The following ARB2A variants were observed in gnomAD, a reference collection of about 807,000 sequenced individuals.
ARB2A encodes cotranscriptional regulator ARB2A.
the ARB2A span, among the ~76,000 whole-genome samples, chr5:93,886,299 CA>C: frequency 6.6e-6 from 1 of 151,684 alleles, no homozygotes; most frequent in Non-Finnish European, 1.5e-5. Context: ...CCAGAGAGGT[CA>C]GGGGTTAGAG....
At chr5:93,823,226 T>G in the ARB2A span, among the ~76,000 whole-genome samples, 2 of 152,200 alleles carry the variant, frequency 1.3e-5, no homozygotes, top group Admixed American at 1.3e-4. Context: ...ATTATTAGAA[T>G]TGATTATATC....
the ARB2A span, among the ~76,000 whole-genome samples, chr5:93,991,170 T>C: frequency 2.0e-5 from 3 of 152,054 alleles, no homozygotes; most frequent in Admixed American, 1.3e-4. Flanking sequence ...TAGGAGTCAG[T>C]TGAGTTGCAA....
chr5:93,629,900 T>A, the ARB2A span, among the ~76,000 whole-genome samples: 1 of 152,164 alleles, frequency 6.6e-6, no homozygotes, highest in Non-Finnish European at 1.5e-5. Flanking sequence ...CCTGTCAATA[T>A]AGCTATGTTG....
the ARB2A span, among the ~76,000 whole-genome samples, chr5:93,874,173 C>T: frequency 6.6e-6 from 1 of 152,136 alleles, no homozygotes; most frequent in South Asian, 2.1e-4. Flanking sequence ...CAATGTTGTA[C>T]TGTAATACGA....
the ARB2A span, among the ~76,000 whole-genome samples, chr5:93,781,022 CT>C: frequency 6.6e-6 from 1 of 151,928 alleles, no homozygotes. Flanking sequence ...CACATCCTTT[CT>C]TTTTTTTATA....
the ARB2A span, among the ~76,000 whole-genome samples, chr5:94,025,045 A>T: frequency 1.3e-5 from 2 of 152,332 alleles, no homozygotes; most frequent in Admixed American, 6.5e-5. Flanking sequence ...CTAAAAACAT[A>T]CCAACCTGAC....
chr5:93,621,224 C>G, the ARB2A span: 5 of 1,161,322 alleles, frequency 4.3e-6, no homozygotes, highest in East Asian at 1.6e-4. Context: ...CTCCCGACCA[C>G]CCGGTCCCGC....
the ARB2A span, among the ~76,000 whole-genome samples, chr5:93,810,676 G>T: frequency 1.9e-3 from 296 of 152,116 alleles, no homozygotes; most frequent in African/African-American, 6.9e-3. Flanking sequence ...CCAAAGAGCT[G>T]GGATTAAAGG....
chr5:93,731,557 G>A, the ARB2A span, among the ~76,000 whole-genome samples: 3 of 152,160 alleles, frequency 2.0e-5, no homozygotes, highest in Non-Finnish European at 2.9e-5. Context: ...GTGGCATGCT[G>A]AAACAAATTC....
chr5:93,622,833 C>A, the ARB2A span, among the ~76,000 whole-genome samples: 158 of 152,122 alleles, frequency 1.0e-3, 1 homozygote, highest in African/African-American at 3.7e-3. Context: ...TTTGACAATT[C>A]TTCATAGAAT....
the ARB2A span, among the ~76,000 whole-genome samples, chr5:94,035,196 C>CATACATATACATACACATATACAT: frequency 7.7e-6 from 1 of 129,630 alleles, no homozygotes; most frequent in Non-Finnish European, 1.6e-5. Context: ...GGATCTTATA[C>CATACATATACATACACATATACAT]ATACATATAC....
chr5:93,801,925 C>T, the ARB2A span, among the ~76,000 whole-genome samples: 1 of 152,054 alleles, frequency 6.6e-6, no homozygotes, highest in Admixed American at 6.6e-5. Context: ...ATAATTCAAC[C>T]AGTAAAGAAT....
At chr5:93,682,393 C>T in the ARB2A span, among the ~76,000 whole-genome samples, 1 of 152,010 alleles carries the variant, frequency 6.6e-6, no homozygotes, top group South Asian at 2.1e-4. Flanking sequence ...TGGTGACTTC[C>T]CACCTTGTAA....
the ARB2A span, chr5:93,784,371 A>AT: frequency 1.9e-6 from 3 of 1,606,784 alleles, no homozygotes; most frequent in Non-Finnish European, 1.7e-6. Flanking sequence ...ACTAAAAAAA[A>AT]CCAAGTCTCA....
chr5:93,830,311 G>GTGTATGTGTGTGGATATA, the ARB2A span, among the ~76,000 whole-genome samples: 2 of 82,260 alleles, frequency 2.4e-5, no homozygotes, highest in Non-Finnish European at 4.8e-5. Flanking sequence ...GTGTGTGTGT[G>GTGTATGTGTGTGGATATA]TATATATATA....
At chr5:93,637,859 T>G in the ARB2A span, among the ~76,000 whole-genome samples, 3 of 152,238 alleles carry the variant, frequency 2.0e-5, no homozygotes, top group African/African-American at 7.2e-5. Flanking sequence ...CTGCCTGATA[T>G]GAATGGCTTC....
the ARB2A span, among the ~76,000 whole-genome samples, chr5:93,813,616 C>T: frequency 6.6e-6 from 1 of 152,106 alleles, no homozygotes; most frequent in Non-Finnish European, 1.5e-5. Flanking sequence ...GGAAAACTGT[C>T]AGTTTGACCT....
the ARB2A span, among the ~76,000 whole-genome samples, chr5:93,983,201 G>C: frequency 6.7e-6 from 1 of 149,968 alleles, no homozygotes; most frequent in African/African-American, 2.5e-5. Flanking sequence ...GTGTGTGTGT[G>C]TGTGTGTGTG....
chr5:93,669,500 A>G, the ARB2A span, among the ~76,000 whole-genome samples: 1 of 152,254 alleles, frequency 6.6e-6, no homozygotes, highest in African/African-American at 2.4e-5. Flanking sequence ...AAAAAAGTAT[A>G]AAACAGAGTA....
Sources: gnomAD v4.1 joint callset for allele counts (sites outside exome capture counted in the v4.1 genomes callset) on GRCh38, gnomAD v4.1.1 for gene constraint, MANE v1.5 for transcripts, NCBI Gene and HGNC (gene_info 2026-07-23, HGNC 2026-07-21) for gene names.